SLC4A4: variants seen among roughly 807,000 people sequenced by gnomAD.
The protein encoded by SLC4A4 is electrogenic sodium bicarbonate cotransporter 1.
In SLC4A4, 27 loss-of-function variants were observed where a neutral mutation model predicts 111.5. The observed-to-expected ratio is 0.24, with a 90% CI of 0.18 to 0.33. The LOEUF (loss-of-function observed/expected upper bound fraction) is 0.33. Ranked by LOEUF, SLC4A4 falls within the 10% of genes least tolerant of loss-of-function variation. The pLI is 1.00. For synonymous variants in SLC4A4, 443 were observed against 463.4 expected (o/e 0.96, Z 0.57); for missense variants, 909 against 1,315.5 (o/e 0.69, Z 4.78).
At chr4:71,509,370 A>AT (rs1731704915) in intron 16 of SLC4A4, among the ~76,000 whole-genome samples, 1 of 151,366 alleles carries the variant, frequency 6.6e-6, no homozygotes, top group African/African-American at 2.4e-5. Context: ...TGAAATAGTC[A>AT]TTTTTTAAAA....
chr4:71,166,042 G>A (rs1236198596), intron 2 of SLC4A4, among the ~76,000 whole-genome samples: 1 of 152,092 alleles, frequency 6.6e-6, no homozygotes, highest in Non-Finnish European at 1.5e-5. Context: ...TCCATAAAAA[G>A]AAAAATTTCC....
chr4:71,537,397 T>TAC lies in SLC4A4; in HGVS notation c.2442+3010_2442+3011insCA, dbSNP rs1734638613. 2.2e-4 allele frequency among the ~76,000 whole-genome samples: 4 copies of TAC among 18,360 alleles called. No homozygotes were observed. In the East Asian group the frequency reaches 3.2e-3, roughly 15 times the overall value. The allele number at this position is 18,360 out of a possible 152,430, so 12.0% of individuals were successfully genotyped here. A position where few individuals can be genotyped will look rare whatever the true frequency, so the allele number is the denominator to read the frequency against. ...GTATATATACATATGTGTGTGTATA[T>TAC]ATTATACATATATGTGTGTATATAT... On this transcript the variant is annotated intron_variant, in intron 18 of 25. Transcript: ENST00000264485.
intron 1 of SLC4A4, among the ~76,000 whole-genome samples, chr4:71,215,903 A>AT (rs990635246): frequency 0.014 from 1,782 of 127,834 alleles, 21 homozygotes; most frequent in South Asian, 0.016. Context: ...TGTCATTTCT[A>AT]TTTTTTTTTT....
chr4:71,140,801 C>A (rs1743974326), intron 2 of SLC4A4, among the ~76,000 whole-genome samples: 1 of 152,184 alleles, frequency 6.6e-6, no homozygotes. Context: ...ACCTGTCATT[C>A]AAGATACCAC....
Position 71,339,368 on chromosome 4 carries a change from A to G in SLC4A4, c.254-2A>G, listed in dbSNP as rs1193246157. Reference sequence around the variant, plus strand: ...TTAACCACAGTATTTTCACTTCTGCAGTCTCTCCTGCTGCAGAACGCATCC... The same window carrying G: ...TTAACCACAGTATTTTCACTTCTGCGGTCTCTCCTGCTGCAGAACGCATCC... On this transcript the variant is annotated splice_acceptor_variant, in intron 3 of 25. Coordinates refer to ENST00000264485, the MANE Select transcript of SLC4A4 (RefSeq NM_001098484.3). LOFTEE classifies it high-confidence loss of function. 6.8e-6 allele frequency: 11 copies of G among 1,614,186 alleles called. No individual in the cohort carries two copies. The highest frequency in any genetic ancestry group is 9.3e-6 in the Non-Finnish European group (11 of 1,180,028).
chr4:71,438,384 T>C (rs952110359), intron 7 of SLC4A4, among the ~76,000 whole-genome samples: 6 of 152,214 alleles, frequency 3.9e-5, no homozygotes, highest in African/African-American at 1.4e-4. Context: ...AAAGTCAATA[T>C]TACAATGTGA....
intron 2 of SLC4A4, among the ~76,000 whole-genome samples, chr4:71,118,076 A>G (rs367627574): frequency 2.8e-4 from 43 of 152,192 alleles, no homozygotes; most frequent in African/African-American, 1.0e-3. Context: ...GGGTTTCTCT[A>G]TGTTGGTCAG....
intron 2 of SLC4A4, among the ~76,000 whole-genome samples, chr4:71,172,917 C>T (rs954330287): frequency 7.2e-5 from 11 of 152,190 alleles, no homozygotes; most frequent in Non-Finnish European, 1.5e-4. Context: ...TAGTGAATGC[C>T]TGAAACTGTG....
At chr4:71,478,361 A>T (rs972536480) in intron 14 of SLC4A4, among the ~76,000 whole-genome samples, 9 of 151,988 alleles carry the variant, frequency 5.9e-5, no homozygotes, top group Non-Finnish European at 1.2e-4. Context: ...ACCAACCCAA[A>T]TGCCCATCAA....
chr4:71,472,242 C>T (rs72853222), intron 13 of SLC4A4, among the ~76,000 whole-genome samples: 20,186 of 151,772 alleles, frequency 0.13, 1,578 homozygotes, highest in African/African-American at 0.22. Flanking sequence ...TTTTATAGTG[C>T]GATTACATTT....
At chr4:71,093,315 G>A (rs1212544220) in intron 2 of SLC4A4, among the ~76,000 whole-genome samples, 1 of 151,726 alleles carries the variant, frequency 6.6e-6, no homozygotes, top group Non-Finnish European at 1.5e-5. Context: ...CTACAGGCAT[G>A]CACCACCATT....
In SLC4A4 at chr4:71,556,183, T is replaced by A. The variant is rs1399262711; in HGVS notation, c.2763+975T>A. ...CCAAAAAGAGAAAAGGCTACTTTAC[T>A]TTTCTCTGTTTAGGTCTGCTGAGTA... On this transcript the variant is annotated intron_variant, in intron 21 of 25. Transcript: ENST00000264485. Among the ~76,000 whole-genome samples the A allele has an allele frequency of 3.9e-5, 6 of 152,062 alleles. No individual in the cohort carries two copies. The East Asian group carries it at 9.8e-4, about 25-fold the overall frequency.
intron 1 of SLC4A4, among the ~76,000 whole-genome samples, chr4:71,086,503 C>G (rs1256073811): frequency 6.6e-6 from 1 of 151,950 alleles, no homozygotes; most frequent in Non-Finnish European, 1.5e-5. Context: ...GGGAATGTTT[C>G]CAGTTTTTGC....
intron 3 of SLC4A4, among the ~76,000 whole-genome samples, chr4:71,279,709 T>C (rs2602051): frequency 0.032 from 4,888 of 152,344 alleles, 286 homozygotes; most frequent in African/African-American, 0.11. Flanking sequence ...TTCTGTGTTC[T>C]ATAATGGCTG....
intron 16 of SLC4A4, among the ~76,000 whole-genome samples, chr4:71,501,037 T>A (rs910067542): frequency 6.6e-6 from 1 of 152,226 alleles, no homozygotes; most frequent in Non-Finnish European, 1.5e-5. Flanking sequence ...ATCAGTAGAT[T>A]GCTTTGGTAG....
chr4:71,371,013 C>G (rs1035939258), intron 6 of SLC4A4, among the ~76,000 whole-genome samples: 2 of 152,102 alleles, frequency 1.3e-5, no homozygotes, highest in African/African-American at 4.8e-5. Context: ...ATCACCTTCC[C>G]TAGGGCTTCT....
chr4:71,347,678 G>A (rs1200010021), intron 4 of SLC4A4, among the ~76,000 whole-genome samples: 3 of 152,140 alleles, frequency 2.0e-5, no homozygotes, highest in Non-Finnish European at 4.4e-5. Context: ...AAGAACTACT[G>A]TATATAAGTG....
intron 3 of SLC4A4, chr4:71,339,143 G>GGA: frequency 6.2e-7 from 1 of 1,612,252 alleles, no homozygotes; most frequent in Non-Finnish European, 8.5e-7. Context: ...CTGTCCTTCT[G>GGA]GAGAGTGGTG....
chr4:71,229,166 T>C (rs944516346), intron 1 of SLC4A4, among the ~76,000 whole-genome samples: 2 of 152,238 alleles, frequency 1.3e-5, no homozygotes, highest in African/African-American at 4.8e-5. Flanking sequence ...GTTTGTAACC[T>C]TTTGGGATGA....
Sources: allele counts gnomAD v4.1 joint callset (sites outside exome capture counted in the v4.1 genomes callset), GRCh38; gene constraint gnomAD v4.1.1; transcripts MANE v1.5; gene names NCBI Gene and HGNC (gene_info 2026-07-23, HGNC 2026-07-21).